KLF12: variants seen among roughly 807,000 people sequenced by gnomAD.
KLF12 encodes the protein Krueppel-like factor 12.
KLF12 carries 9 observed loss-of-function variants against 37.8 expected under a neutral mutation model. That is an observed-to-expected ratio of 0.24 (90% CI 0.14 to 0.42). The LOEUF is 0.42. KLF12 is among the 10% of genes least tolerant of loss of function. The pLI is 1.00. For synonymous variants in KLF12, 208 were observed against 202.1 expected (o/e 1.03, Z -0.25); for missense variants, 411 against 516.0 (o/e 0.80, Z 1.97).
the KLF12 span, among the ~76,000 whole-genome samples, chr13:74,216,522 G>A: frequency 4.1e-4 from 62 of 152,278 alleles, no homozygotes; most frequent in East Asian, 0.012. Context: ...GGTGTCCTGG[G>A]TGAAGGACCA....
At chr13:73,896,113 T>C (rs2139052200) in intron 3 of KLF12, among the ~76,000 whole-genome samples, 1 of 152,276 alleles carries the variant, frequency 6.6e-6, no homozygotes, top group South Asian at 2.1e-4. Flanking sequence ...CACAGAATTC[T>C]ATAAATGGGA....
intron 1 of KLF12, among the ~76,000 whole-genome samples, chr13:74,023,410 G>A (rs1407091363): frequency 6.6e-6 from 1 of 152,184 alleles, no homozygotes; most frequent in Admixed American, 6.6e-5. Flanking sequence ...CACATGCCAG[G>A]TGGCTTTTAA....
At chr13:73,743,224 T>C (rs556723468) in intron 6 of KLF12, among the ~76,000 whole-genome samples, 1 of 152,304 alleles carries the variant, frequency 6.6e-6, no homozygotes, top group African/African-American at 2.4e-5. Flanking sequence ...TGGGCTGCAC[T>C]CTATTTCCAA....
At chr13:73,976,699 C>T (rs1891534022) in intron 2 of KLF12, among the ~76,000 whole-genome samples, 2 of 152,142 alleles carry the variant, frequency 1.3e-5, no homozygotes, top group Admixed American at 6.5e-5. Flanking sequence ...CTGAAAGAAA[C>T]TAAGTAGCTG....
At chr13:73,934,950 ATTATTTAT>A (rs146314583) in intron 3 of KLF12, among the ~76,000 whole-genome samples, 48,904 of 139,432 alleles carry the variant, frequency 0.35, 9,502 homozygotes, top group East Asian at 0.58. Flanking sequence ...ATAGGTTTTT[ATTATTTAT>A]TTATTTATTT....
chr13:73,831,759 A>C (rs1034873511), intron 4 of KLF12, among the ~76,000 whole-genome samples: 1 of 152,210 alleles, frequency 6.6e-6, no homozygotes, highest in African/African-American at 2.4e-5. Context: ...GGCAGATGAG[A>C]ATCTCAGGAG....
intron 2 of KLF12, among the ~76,000 whole-genome samples, chr13:73,990,021 C>A (rs1029320584): frequency 6.6e-6 from 1 of 151,882 alleles, no homozygotes; most frequent in Non-Finnish European, 1.5e-5. Flanking sequence ...GAAAATAAGT[C>A]GACATAGCTA....
chr13:74,211,033 T>A, the KLF12 span, among the ~76,000 whole-genome samples: 1 of 152,226 alleles, frequency 6.6e-6, no homozygotes, highest in South Asian at 2.1e-4. Context: ...TATTGGAGTC[T>A]GTAAGTTCAC....
At chr13:74,082,532 C>T (rs1363537510) in intron 1 of KLF12, among the ~76,000 whole-genome samples, 1 of 152,038 alleles carries the variant, frequency 6.6e-6, no homozygotes, top group African/African-American at 2.4e-5. Context: ...TTTCCAACCC[C>T]TCTGACACCC....
chr13:74,165,300 T>C, the KLF12 span, among the ~76,000 whole-genome samples: 1,583 of 7,950 alleles, frequency 0.2, 26 homozygotes, highest in East Asian at 0.48. Flanking sequence ...TTTTCTTTTC[T>C]TTTTTTTTTT....
intron 3 of KLF12, among the ~76,000 whole-genome samples, chr13:73,878,900 T>C (rs945484549): frequency 1.3e-5 from 2 of 151,880 alleles, no homozygotes; most frequent in African/African-American, 4.8e-5. Flanking sequence ...AGATCAGAAA[T>C]GGGGGTGAGG....
chr13:74,266,475 T>TAC, the KLF12 span, among the ~76,000 whole-genome samples: 3 of 152,042 alleles, frequency 2.0e-5, no homozygotes, highest in African/African-American at 7.2e-5. Context: ...CGTGCACATA[T>TAC]ACACACACAC....
the KLF12 span, among the ~76,000 whole-genome samples, chr13:74,185,648 C>G: frequency 6.6e-6 from 1 of 151,892 alleles, no homozygotes; most frequent in East Asian, 1.9e-4. Flanking sequence ...GGTAAGACTT[C>G]TATTTTTTAT....
At chr13:73,881,371 GTAAT>G in intron 3 of KLF12, among the ~76,000 whole-genome samples, 1 of 151,902 alleles carries the variant, frequency 6.6e-6, no homozygotes, top group African/African-American at 2.4e-5. Context: ...GTTTTTTCTT[GTAAT>G]TAATATAAAG....
At chr13:74,129,937 A>G (rs998342870) in intron 1 of KLF12, among the ~76,000 whole-genome samples, 2 of 152,240 alleles carry the variant, frequency 1.3e-5, no homozygotes, top group Admixed American at 6.5e-5. Context: ...AGCTGACATC[A>G]GATGGGGTGT....
rs1885003907 is a variant in KLF12, at chr13:73,846,136, T to C, written c.361A>G (p.Ser121Gly). The change falls in exon 4 of 8, where the codon AGT becomes GGT. Residue 121 changes from serine to glycine, a missense_variant. Ser to Gly is a moderately conservative substitution (Grantham distance 56). This residue lies in a region of KLF12 where 351 missense variants were observed against 397.8 expected (regional missense o/e 0.88). Coordinates refer to ENST00000377669, the MANE Select transcript of KLF12 (RefSeq NM_007249.5). ...ACAGTTGGGGATGAGGCTAGACGAC[T>C]AGAAGACGATGAAGAGGTTGAAGTT... The C allele has an allele frequency of 1.2e-6, 2 of 1,614,004 alleles. No individual in the cohort carries two copies. Among genetic ancestry groups the C allele is most frequent in the African/African-American group, 2.7e-5 (2 of 74,918 alleles).
chr13:73,803,792 A>T (rs930949593), intron 5 of KLF12, among the ~76,000 whole-genome samples: 13 of 150,822 alleles, frequency 8.6e-5, no homozygotes, highest in South Asian at 4.4e-4. Flanking sequence ...ACACACACAC[A>T]CACACACACA....
At chr13:74,165,686 G>C in the KLF12 span, among the ~76,000 whole-genome samples, 278 of 152,318 alleles carry the variant, frequency 1.8e-3, 1 homozygote, top group African/African-American at 6.6e-3. Flanking sequence ...ATCACAGACA[G>C]GAGGGGATAA....
chr13:74,092,638 A>G (rs1473950836), intron 1 of KLF12, among the ~76,000 whole-genome samples: 4 of 150,388 alleles, frequency 2.7e-5, no homozygotes, highest in African/African-American at 7.5e-5. Flanking sequence ...AAAAAACAAA[A>G]AACAAAAAAA....
Sources: gnomAD v4.1 joint callset for allele counts (sites outside exome capture counted in the v4.1 genomes callset) on GRCh38, gnomAD v4.1.1 for gene constraint, gnomAD v4.1.1 regional missense constraint, MANE v1.5 for transcripts, NCBI Gene and HGNC (gene_info 2026-07-23, HGNC 2026-07-21) for gene names.